The following WNK2 variants were observed in gnomAD, a reference collection of about 807,000 sequenced individuals.
WNK2 encodes the protein serine/threonine-protein kinase WNK2.
In WNK2, 67 loss-of-function variants were observed where a neutral mutation model predicts 192.1. The observed-to-expected ratio is 0.35, with a 90% CI of 0.29 to 0.43. The LOEUF is 0.43. Ranked by LOEUF, WNK2 falls within the 20% of genes least tolerant of loss-of-function variation. The pLI is 1.00. For missense variants in WNK2, 2,698 were observed against 3,089.7 expected (o/e 0.87, Z 3.01); for synonymous variants, 1,439 against 1,393.9 (o/e 1.03, Z -0.72).
At chr9:93,232,961 C>G (rs1240595411) in intron 4 of WNK2, among the ~76,000 whole-genome samples, 1 of 7,416 alleles carries the variant, frequency 1.3e-4, no homozygotes, top group East Asian at 4.7e-3. Flanking sequence ...ATCCCTGTCT[C>G]TACAAAAAAA....
intron 19 of WNK2, among the ~76,000 whole-genome samples, chr9:93,285,643 C>T (rs1848341055): frequency 6.6e-6 from 1 of 152,154 alleles, no homozygotes; most frequent in Admixed American, 6.5e-5. Context: ...CACTTCTTCC[C>T]AAACAGATCT....
At chr9:93,295,469 A>G (rs935908998) in intron 23 of WNK2, among the ~76,000 whole-genome samples, 4 of 152,016 alleles carry the variant, frequency 2.6e-5, no homozygotes, top group African/African-American at 9.7e-5. Context: ...CAAAAAGCCT[A>G]TGTGGCAGGT....
At position 93,228,220 on chromosome 9, in the gene WNK2, G is replaced by A. The variant is rs550584112; in HGVS notation, c.682-1476G>A. Reference sequence around the variant, plus strand: ...TGTGTGCTGTGGGGAGGGGTCTGGCGGGTTGATGGAGGAAGAAGGGTCTCA... The same window carrying A: ...TGTGTGCTGTGGGGAGGGGTCTGGCAGGTTGATGGAGGAAGAAGGGTCTCA... On this transcript the variant is annotated intron_variant, in intron 2 of 29. Transcript: ENST00000427277. Among the ~76,000 whole-genome samples the A allele has an allele frequency of 9.2e-5, 14 of 152,258 alleles. No individual in the cohort carries two copies. In the East Asian group the frequency reaches 2.3e-3, roughly 25 times the overall value.
In WNK2 at chr9:93,297,839, G is replaced by C; in HGVS notation, c.5709-14G>C. On this transcript the variant is annotated splice_polypyrimidine_tract_variant and intron_variant, in intron 23 of 29. Coordinates refer to ENST00000427277, the MANE Select transcript of WNK2 (RefSeq NM_006648.4). ...AGGAAGCCCATCGGCGCTCCCTCCT[G>C]TCCCCTCCTGCAGGCACCTGAAGGA... 6.4e-7 allele frequency: 1 copy of C among 1,564,106 alleles called. No individual in the cohort carries two copies. The highest frequency in any genetic ancestry group is 8.7e-7 in the Non-Finnish European group (1 of 1,155,958).
intron 25 of WNK2, 62 bp downstream of exon 25, chr9:93,299,323 C>G (rs539021411): frequency 1.7e-5 from 26 of 1,508,522 alleles, no homozygotes; most frequent in Admixed American, 4.2e-5. Flanking sequence ...AGTGGTGTCC[C>G]CAGGAGCACG....
chr9:93,293,309 G>A (rs1392367467), intron 23 of WNK2, 136 bp downstream of exon 23: 1 of 797,854 alleles, frequency 1.3e-6, no homozygotes, highest in Non-Finnish European at 1.8e-6. Context: ...CAGGGACAGG[G>A]GAGTGATGAA....
intron 8 of WNK2, among the ~76,000 whole-genome samples, chr9:93,248,096 G>A (rs924123477): frequency 6.6e-6 from 1 of 152,242 alleles, no homozygotes; most frequent in Non-Finnish European, 1.5e-5. Context: ...CCTTCTGCCA[G>A]CACCTTTGGT....
At chr9:93,221,108 A>G (rs948940127) in intron 2 of WNK2, among the ~76,000 whole-genome samples, 11 of 152,198 alleles carry the variant, frequency 7.2e-5, no homozygotes, top group African/African-American at 2.6e-4. Context: ...TGCGGTGGGG[A>G]GGGCGGGGCC....
At position 93,262,708 on chromosome 9, in the gene WNK2, G is replaced by C; in HGVS notation, c.3399G>C (p.Gln1133His). 2 of 1,612,340 alleles carry C rather than the reference G, an allele frequency of 1.2e-6. No individual in the cohort carries two copies. The highest frequency in any genetic ancestry group is 1.7e-6 in the Non-Finnish European group (2 of 1,179,894). ...ASQDKPPGLP[Q>H]SCESYGGSDV... Reference sequence around the variant, plus strand: ...AGGACAAGCCGCCCGGCCTCCCGCAGAGCTGTGAGAGGTAGTGTGGCCCAG... The same window carrying C: ...AGGACAAGCCGCCCGGCCTCCCGCACAGCTGTGAGAGGTAGTGTGGCCCAG... The change falls in exon 14 of 30, where the codon CAG becomes CAC. Residue 1133 changes from glutamine (Q) to histidine (H), a missense_variant. Coordinates refer to ENST00000427277, the MANE Select transcript of WNK2 (RefSeq NM_006648.4).
At position 93,195,699 on chromosome 9, in the gene WNK2, C is replaced by CAAAAAAAAAAAAAAAAAA. The variant is rs59357990; in HGVS notation, c.681+10097_681+10114dup. Among the ~76,000 whole-genome samples the CAAAAAAAAAAAAAAAAAA allele has an allele frequency of 8.4e-4, 35 of 41,662 alleles. 1 individual carries two copies. Among genetic ancestry groups the CAAAAAAAAAAAAAAAAAA allele is most frequent in the Non-Finnish European group, 9.7e-4 (25 of 25,800 alleles). The allele number at this position is 41,662 out of a possible 152,430, so 27.3% of individuals were successfully genotyped here. On this transcript the variant is annotated intron_variant, in intron 2 of 29. Coordinates refer to ENST00000427277, the MANE Select transcript of WNK2 (RefSeq NM_006648.4). ...GGGCAACAGAGTAAAGACTTTGTCT[C>CAAAAAAAAAAAAAAAAAA]AAAAAAAAAAAAAAAAAAAAAAAAA...
At chr9:93,298,862 C>T (rs540777785) in intron 24 of WNK2, among the ~76,000 whole-genome samples, 3 of 152,332 alleles carry the variant, frequency 2.0e-5, no homozygotes, top group Non-Finnish European at 2.9e-5. Flanking sequence ...AAGTCCAGCA[C>T]GGCAGTGGGG....
Position 93,259,400 on chromosome 9 carries a change from C to T in WNK2, c.2852C>T (p.Pro951Leu), listed in dbSNP as rs756694717. 1.9e-6 allele frequency: 3 copies of T among 1,574,732 alleles called. No homozygotes were observed. In the Admixed American group the frequency reaches 5.2e-5, roughly 27 times the overall value. Reference sequence around the variant, plus strand: ...GCACTGCCTCCACAACCCACACTGCCCCCACAACCCGTGCTGCCCCCGCAA... The same window carrying T: ...GCACTGCCTCCACAACCCACACTGCTCCCACAACCCGTGCTGCCCCCGCAA... ...QPALPPQPTL[P>L]PQPVLPPQPT... The change falls in exon 12 of 30, where the codon CCC becomes CTC. Residue 951 changes from proline to leucine, a missense_variant. Transcript: ENST00000427277. This position sits in a 1 kb window ranked among gnomAD's most constrained non-coding sequence, Gnocchi z 4.8.
chr9:93,245,229 C>T (rs1841482423), intron 7 of WNK2, among the ~76,000 whole-genome samples: 1 of 152,224 alleles, frequency 6.6e-6, no homozygotes, highest in African/African-American at 2.4e-5. Context: ...CCTGATTCCC[C>T]TGAAGCCCTG....
intron 23 of WNK2, among the ~76,000 whole-genome samples, chr9:93,293,535 G>A (rs745813655): frequency 2.0e-5 from 3 of 152,070 alleles, no homozygotes; most frequent in Non-Finnish European, 2.9e-5. Flanking sequence ...GGCCAGGCTG[G>A]TCTCAAACTC....
At chr9:93,293,672 C>T (rs1310204131) in intron 23 of WNK2, among the ~76,000 whole-genome samples, 1 of 152,022 alleles carries the variant, frequency 6.6e-6, no homozygotes, top group Non-Finnish European at 1.5e-5. Context: ...TGGGCTGGGC[C>T]GGCCCCCACC....
At chr9:93,284,976 A>C (rs976852900) in intron 19 of WNK2, among the ~76,000 whole-genome samples, 3 of 152,264 alleles carry the variant, frequency 2.0e-5, no homozygotes, top group East Asian at 1.9e-4. Flanking sequence ...TACATAATGC[A>C]TGTCACATAG....
chr9:93,236,565 C>G (rs1185151606), intron 5 of WNK2, among the ~76,000 whole-genome samples: 2 of 152,250 alleles, frequency 1.3e-5, no homozygotes, highest in Admixed American at 6.5e-5. Context: ...TACTCCACTT[C>G]CAACACAAAA....
chr9:93,306,831 C>CTT lies in WNK2; in HGVS notation c.6259+10_6259+11insTT. ...AAAGAACACAGCAGTAGTAATTATC[C>CTT]GGGTTTTTTCCCCTTTGTCCTCTCT... On this transcript the variant is annotated intron_variant, in intron 27 of 29. Transcript: ENST00000427277. 1 of 1,614,048 alleles carries CTT rather than the reference C, an allele frequency of 6.2e-7. No homozygotes were observed. Among genetic ancestry groups the CTT allele is most frequent in the Non-Finnish European group, 8.5e-7 (1 of 1,179,880 alleles).
chr9:93,239,355 G>A lies in WNK2; in HGVS notation c.1323-402G>A, dbSNP rs997160393. Among the ~76,000 whole-genome samples, 2 of 152,186 alleles carry A rather than the reference G, an allele frequency of 1.3e-5. No individual in the cohort carries two copies. Among genetic ancestry groups the A allele is most frequent in the Admixed American group, 6.5e-5 (1 of 15,286 alleles). On this transcript the variant is annotated intron_variant, in intron 6 of 29. Coordinates refer to ENST00000427277, the MANE Select transcript of WNK2 (RefSeq NM_006648.4). This position sits in a 1 kb window ranked among gnomAD's most constrained non-coding sequence, Gnocchi z 4.2. ...GGGAGCTCAGAGCGTGGGGGGCTCC[G>A]CCTCTGTGTCCATTTTAGACCTACC...
Sources: gnomAD v4.1 joint callset for allele counts (sites outside exome capture counted in the v4.1 genomes callset) on GRCh38, gnomAD v4.1.1 for gene constraint, Gnocchi (gnomAD v3.1) non-coding constraint, MANE v1.5 for transcripts, NCBI Gene and HGNC (gene_info 2026-07-23, HGNC 2026-07-21) for gene names.